The following KCNAB3 variants were observed in gnomAD, a reference collection of about 807,000 sequenced individuals.
KCNAB3 encodes potassium voltage-gated channel subfamily A regulatory beta subunit 3, also known as voltage-gated potassium channel subunit beta-3.
KCNAB3 carries 62 observed loss-of-function variants against 67.7 expected under a neutral mutation model. That is an observed-to-expected ratio of 0.92 (90% CI 0.75 to 1.13). KCNAB3 has a LOEUF of 1.13. Among genes scored for constraint, KCNAB3 ranks in the 50% most tolerant of loss-of-function variants. The pLI, the probability that KCNAB3 is intolerant of heterozygous loss-of-function variation, is 0.00. For missense variants in KCNAB3, 514 were observed against 522.9 expected (o/e 0.98, Z 0.17); for synonymous variants, 212 against 205.4 (o/e 1.03, Z -0.27).
chr17:7,929,447 G>A lies in KCNAB3; in HGVS notation c.-12C>T. 6.5e-7 allele frequency: 1 copy of A among 1,546,066 alleles called. No homozygotes were observed. The highest frequency in any genetic ancestry group is 1.2e-5 in the South Asian group (1 of 83,896). The stretch of plus-strand genomic sequence containing the variant: ...ATAGACACCTGCATGCTGGCTGGCC[G>A]AGGCGGGGGAGGGGGCTCCGAGGGG... On this transcript the variant is annotated 5_prime_UTR_variant, in exon 1 of 14. Transcript: ENST00000303790. This position sits in a 1 kb window ranked among gnomAD's most constrained non-coding sequence, Gnocchi z 5.7.
Position 7,929,014 on chromosome 17 carries a change from G to T in KCNAB3, c.242+180C>A, listed in dbSNP as rs926434375. On this transcript the variant is annotated intron_variant, in intron 1 of 13. Coordinates refer to ENST00000303790, the MANE Select transcript of KCNAB3 (RefSeq NM_004732.4). This position sits in a 1 kb window ranked among gnomAD's most constrained non-coding sequence, Gnocchi z 5.7. ...TTGGTAAACTTGATTCTCGTAGTCA[G>T]GGGTATCGACAGAAACCAAGAGAGG... 2.0e-5 allele frequency: 19 copies of T among 966,612 alleles called. No homozygotes were observed. The South Asian group carries it at 2.8e-4, about 14-fold the overall frequency. 59.9% of individuals were successfully genotyped at this position (966,612 alleles called of 1,614,324 possible). A position where few individuals can be genotyped will look rare whatever the true frequency, so the allele number is the denominator to read the frequency against.
In KCNAB3 at chr17:7,929,824, G is replaced by GTTA; in HGVS notation, c.-390_-389insTAA. On this transcript the variant is annotated 5_prime_UTR_variant, in exon 1 of 14. Coordinates refer to ENST00000303790, the MANE Select transcript of KCNAB3 (RefSeq NM_004732.4). The surrounding 1 kb of genome is among the most constrained non-coding windows in gnomAD (Gnocchi z 5.7). ...GCGCGAACCGCTGCGGGACCCGCTG[G>GTTA]GCTCCCAGCCGCGTCGGCAGCGGGC... 10 of 1,015,324 alleles carry GTTA rather than the reference G, an allele frequency of 9.8e-6. No homozygotes were observed. The Admixed American group carries it at 1.8e-4, about 18-fold the overall frequency. The allele number at this position is 1,015,324 out of a possible 1,614,324, so 62.9% of individuals were successfully genotyped here.
At position 7,922,650 on chromosome 17, in the gene KCNAB3, T is replaced by C. The variant is rs567545396; in HGVS notation, c.*452A>G. On this transcript the variant is annotated 3_prime_UTR_variant, in exon 14 of 14. Coordinates refer to ENST00000303790, the MANE Select transcript of KCNAB3 (RefSeq NM_004732.4). ...CGAATACGCTAAGAGCCCCATTTCC[T>C]ATGTTCCAGATGACATCACAACTCA... 1 of 165,944 alleles carries C rather than the reference T, an allele frequency of 6.0e-6. No homozygotes were observed. The highest frequency in any genetic ancestry group is 1.6e-4 in the East Asian group (1 of 6,178). 10.3% of individuals were successfully genotyped at this position (165,944 alleles called of 1,614,324 possible).
At position 7,929,524 on chromosome 17, in the gene KCNAB3, G is replaced by C. The variant is rs1972357422; in HGVS notation, c.-89C>G. ...AGGGCTGACGACCGGGGGCGTAGTG[G>C]GGCGAACCCCGGCAGAGCGGGAAGG... On this transcript the variant is annotated 5_prime_UTR_variant, in exon 1 of 14. Transcript: ENST00000303790. The surrounding 1 kb of genome is among the most constrained non-coding windows in gnomAD (Gnocchi z 5.7). 2 of 1,529,728 alleles carry C rather than the reference G, an allele frequency of 1.3e-6. No homozygotes were observed. The highest frequency in any genetic ancestry group is 4.0e-5 in the Admixed American group (2 of 50,240). The allele number at this position is 1,529,728 out of a possible 1,614,324, so 94.8% of individuals were successfully genotyped here.
chr17:7,923,945 C>G, intron 11 of KCNAB3, 23 bp downstream of exon 11: 1 of 1,608,466 alleles, frequency 6.2e-7, no homozygotes, highest in Non-Finnish European at 8.5e-7. Flanking sequence ...CCAGTCCTGC[C>G]ATCGAGAGCC....
chr17:7,929,820 G>GTATT lies in KCNAB3; in HGVS notation c.-386_-385insAATA. The stretch of plus-strand genomic sequence containing the variant: ...TTCAGCGCGAACCGCTGCGGGACCC[G>GTATT]CTGGGCTCCCAGCCGCGTCGGCAGC... On this transcript the variant is annotated 5_prime_UTR_variant, in exon 1 of 14. Transcript: ENST00000303790. This position sits in a 1 kb window ranked among gnomAD's most constrained non-coding sequence, Gnocchi z 5.7. 5.9e-6 allele frequency: 6 copies of GTATT among 1,022,710 alleles called. No individual in the cohort carries two copies. Among genetic ancestry groups the GTATT allele is most frequent in the South Asian group, 7.4e-5 (2 of 27,034 alleles). 63.4% of individuals were successfully genotyped at this position (1,022,710 alleles called of 1,614,324 possible).
chr17:7,923,961 A>T lies in KCNAB3; in HGVS notation c.927+7T>A. ...CAGTCCTGCCATCGAGAGCCCCCAG[A>T]TCTCACCTTGATGGAGGCCCTGCAA... is the stretch of plus-strand genomic sequence containing the variant. On this transcript the variant is annotated splice_region_variant and intron_variant, in intron 11 of 13. Coordinates refer to ENST00000303790, the MANE Select transcript of KCNAB3 (RefSeq NM_004732.4). 1.9e-6 allele frequency: 3 copies of T among 1,609,510 alleles called. No individual in the cohort carries two copies. The highest frequency in any genetic ancestry group is 2.5e-6 in the Non-Finnish European group (3 of 1,178,100).
At chr17:7,927,301 C>T (rs759080088) in intron 4 of KCNAB3, 43 bp downstream of exon 4, 1 of 1,556,222 alleles carries the variant, frequency 6.4e-7, no homozygotes, top group African/African-American at 1.4e-5. Flanking sequence ...GGGGTCCTCT[C>T]AGCCTTCCAA....
In KCNAB3 at chr17:7,927,730, G is replaced by A. The variant is rs368497235; in HGVS notation, c.287-36C>T. 3.3e-4 allele frequency: 527 copies of A among 1,614,140 alleles called. 2 individuals carry two copies. The highest frequency in any genetic ancestry group is 2.0e-3 in the Middle Eastern group (12 of 6,062). The stretch of plus-strand genomic sequence containing the variant: ...GAAGCCAGGCACATGAGAACTGCAG[G>A]GGGCAGACCATGAAAGAATGCCCTC... On this transcript the variant is annotated intron_variant, in intron 2 of 13. Transcript: ENST00000303790.
chr17:7,923,322 G>T, intron 13 of KCNAB3, 134 bp downstream of exon 13: 1 of 1,243,970 alleles, frequency 8.0e-7, no homozygotes, highest in Non-Finnish European at 1.2e-6. Flanking sequence ...TCGCTTTCCG[G>T]CCCTGGGACC....
chr17:7,925,184 C>T lies in KCNAB3; in HGVS notation c.539-1G>A. On this transcript the variant is annotated splice_acceptor_variant, in intron 7 of 13. Transcript: ENST00000303790. LOFTEE classifies it high-confidence loss of function. ...AGGCGTTCCAGGGATCCTCGCAAGCCTGGAGGTGGGGTAGGGAGAAGAAAA... is the reference window on the plus strand; with the variant it reads ...AGGCGTTCCAGGGATCCTCGCAAGCTTGGAGGTGGGGTAGGGAGAAGAAAA... 6.2e-7 allele frequency: 1 copy of T among 1,613,168 alleles called. No individual in the cohort carries two copies. The highest frequency in any genetic ancestry group is 8.5e-7 in the Non-Finnish European group (1 of 1,179,406).
Position 7,927,515 on chromosome 17 carries a change from C to T in KCNAB3, c.325-92G>A, listed in dbSNP as rs1972274066. 3 of 1,508,278 alleles carry T rather than the reference C, an allele frequency of 2.0e-6. 1 individual carries two copies. In the East Asian group the frequency reaches 6.8e-5, roughly 34 times the overall value. The allele number at this position is 1,508,278 out of a possible 1,614,324, so 93.4% of individuals were successfully genotyped here. A position where few individuals can be genotyped will look rare whatever the true frequency, so the allele number is the denominator to read the frequency against. On this transcript the variant is annotated intron_variant, in intron 3 of 13. Transcript: ENST00000303790. ...CCATCACATCTCAGCCCTGGGTTCT[C>T]TAGTCTCTCCCCTCTCCCCATCCTC...
chr17:7,923,148 A>G lies in KCNAB3; in HGVS notation c.1169T>C (p.Met390Thr). 2 of 1,614,084 alleles carry G rather than the reference A, an allele frequency of 1.2e-6. No homozygotes were observed. The highest frequency in any genetic ancestry group is 1.7e-6 in the Non-Finnish European group (2 of 1,180,006). Residue 390 changes from methionine (M) to threonine (T), a missense_variant, in exon 14 of 14, where the codon ATG becomes ACG. Transcript: ENST00000303790. ...VLSQLTPQTV[M>T]EIDGLLGNKP... is the part of the protein sequence containing the mutation. ...GTTTCCCAGGAGCCCGTCTATTTCC[A>G]TCACTGTCTGCGGGGTCAGCTGGCT...
intron 6 of KCNAB3, 97 bp downstream of exon 6, chr17:7,925,834 G>A: frequency 2.5e-5 from 39 of 1,589,314 alleles, no homozygotes; most frequent in Non-Finnish European, 3.1e-5. Flanking sequence ...GGCATGGTGC[G>A]GACCTGGTGC....
Position 7,923,791 on chromosome 17 carries a change from C to G in KCNAB3, c.968G>C (p.Gly323Ala), listed in dbSNP as rs149151417. 3.9e-4 allele frequency: 622 copies of G among 1,581,952 alleles called. 3 individuals carry two copies. The African/African-American group carries it at 7.5e-3, about 19-fold the overall frequency. The change falls in exon 12 of 14, where the codon GGC (glycine) becomes GCC (alanine). Residue 323 changes from glycine to alanine, a missense_variant. By Grantham distance (60) the Gly-to-Ala change is moderately conservative. Coordinates refer to ENST00000303790, the MANE Select transcript of KCNAB3 (RefSeq NM_004732.4). ...WLKDKVQSED[G>A]KKQQAKVMDL... ...CATGACTTTGGCTTGTTGCTTCTTGCCATCTTCACTCTGCACTTTGTCCTT... is the reference window on the plus strand; with the variant it reads ...CATGACTTTGGCTTGTTGCTTCTTGGCATCTTCACTCTGCACTTTGTCCTT...
At chr17:7,924,577 GC>G in intron 8 of KCNAB3, 77 bp from the exon 9 acceptor site, 2 of 1,502,094 alleles carry the variant, frequency 1.3e-6, no homozygotes, top group East Asian at 2.3e-5. Context: ...ACCTCCACCT[GC>G]CCCACCAAGG....
rs1031064877 is a variant in KCNAB3, at chr17:7,929,334, CCCA to C, written c.99_101del (p.Gly34del). 13 of 1,550,156 alleles carry C rather than the reference CCCA, an allele frequency of 8.4e-6. No individual in the cohort carries two copies. Among genetic ancestry groups the C allele is most frequent in the Non-Finnish European group, 1.1e-5 (13 of 1,147,284 alleles). ...GATTCCCGTGCCCCCCGCCGGCCGG[CCCA>C]CCATTACCGCCCCCGGGGCCCGGCC... is the stretch of plus-strand genomic sequence containing the variant. On this transcript the variant is annotated inframe_deletion, in exon 1 of 14. Transcript: ENST00000303790. This position sits in a 1 kb window ranked among gnomAD's most constrained non-coding sequence, Gnocchi z 5.7.
Position 7,923,941 on chromosome 17 carries a change from C to T in KCNAB3, c.927+27G>A, listed in dbSNP as rs777502772. On this transcript the variant is annotated intron_variant, in intron 11 of 13. Coordinates refer to ENST00000303790, the MANE Select transcript of KCNAB3 (RefSeq NM_004732.4). The stretch of plus-strand genomic sequence containing the variant: ...CCAAAGCAGCCCATATAGCCCAGTC[C>T]TGCCATCGAGAGCCCCCAGATCTCA... 8.1e-6 allele frequency: 13 copies of T among 1,605,926 alleles called. No homozygotes were observed. The South Asian group carries it at 1.4e-4, about 18-fold the overall frequency.
Position 7,923,445 on chromosome 17 carries a change from C to A in KCNAB3, c.1137+11G>T, listed in dbSNP as rs772078061. The A allele has an allele frequency of 6.2e-7, 1 of 1,603,706 alleles. No homozygotes were observed. The highest frequency in any genetic ancestry group is 8.5e-7 in the Non-Finnish European group (1 of 1,175,148). ...GGACAGATAGGCTCTGCCTCTGAGT[C>A]CCCGGCTCACCTGTAGCGCGCCCAG... On this transcript the variant is annotated intron_variant, in intron 13 of 13. Coordinates refer to ENST00000303790, the MANE Select transcript of KCNAB3 (RefSeq NM_004732.4).
Sources: allele counts gnomAD v4.1 joint callset, GRCh38; gene constraint gnomAD v4.1.1; non-coding constraint Gnocchi (gnomAD v3.1); transcripts MANE v1.5; gene names NCBI Gene and HGNC (gene_info 2026-07-23, HGNC 2026-07-21).